Variants in SIPA1L3 observed in about 807,000 individuals in gnomAD.
SIPA1L3 encodes the protein signal-induced proliferation-associated 1-like protein 3.
Under a neutral mutation model 150.1 loss-of-function variants are expected in SIPA1L3, and 59 were observed. The ratio of observed to expected loss-of-function variants is 0.39; its 90% CI spans 0.32 to 0.49. SIPA1L3 has a LOEUF of 0.49. SIPA1L3 is among the 20% of genes least tolerant of loss of function. The probability of loss-of-function intolerance (pLI) is 0.86; values close to 1 mark genes in which losing one functional copy is unlikely to be tolerated. For missense variants in SIPA1L3, 2,211 were observed against 2,489.5 expected (o/e 0.89, Z 2.38); for synonymous variants, 1,070 against 1,077.6 (o/e 0.99, Z 0.14).
chr19:38,205,776 G>A lies in SIPA1L3; in HGVS notation c.5203-321G>A, dbSNP rs139697624. 3.8e-3 allele frequency among the ~76,000 whole-genome samples: 580 copies of A among 152,300 alleles called. 2 individuals carry two copies. Among genetic ancestry groups the A allele is most frequent in the Non-Finnish European group, 4.8e-3 (329 of 68,030 alleles). On this transcript the variant is annotated intron_variant, in intron 21 of 21. Transcript: ENST00000222345. ...GGACAGCGACAGTCCCCAAGTCCTC[G>A]GGTAGTGTGAAGGTGGGATGCGGTG...
At position 38,058,395 on chromosome 19, in the gene SIPA1L3, C is replaced by G. The variant is rs1431914897; in HGVS notation, c.-310-22861C>G. Among the ~76,000 whole-genome samples the G allele has an allele frequency of 3.3e-5, 5 of 152,276 alleles. No homozygotes were observed. In the East Asian group the frequency reaches 9.7e-4, roughly 29 times the overall value. On this transcript the variant is annotated intron_variant, in intron 2 of 21. Coordinates refer to ENST00000222345, the MANE Select transcript of SIPA1L3 (RefSeq NM_015073.3). Reference sequence around the variant, plus strand: ...CCCCATTCCCACACACCTCTCCCCACTGGGAAGGAAGACAGGTGCCCCCCT... The same window carrying G: ...CCCCATTCCCACACACCTCTCCCCAGTGGGAAGGAAGACAGGTGCCCCCCT...
At chr19:38,105,700 C>T (rs1970607244) in intron 6 of SIPA1L3, among the ~76,000 whole-genome samples, 1 of 152,212 alleles carries the variant, frequency 6.6e-6, no homozygotes, top group Non-Finnish European at 1.5e-5. Context: ...GTGTCAGCAT[C>T]TTTCACTCAA....
chr19:38,171,385 C>CTTTTTTTTTTTTTTTTTTTTTT (rs1055077464), intron 15 of SIPA1L3, among the ~76,000 whole-genome samples: 1 of 77,886 alleles, frequency 1.3e-5, no homozygotes, highest in Non-Finnish European at 2.4e-5. Flanking sequence ...CCTACCAAAA[C>CTTTTTTTTTTTTTTTTTTTTTT]TTTTTTTTTT....
chr19:37,995,085 C>A (rs1967603587), intron 1 of SIPA1L3, among the ~76,000 whole-genome samples: 1 of 152,156 alleles, frequency 6.6e-6, no homozygotes, highest in Non-Finnish European at 1.5e-5. Flanking sequence ...GGAAAGGTTT[C>A]CTCTTCACGT....
At chr19:37,990,259 G>T (rs1212987756) in intron 1 of SIPA1L3, among the ~76,000 whole-genome samples, 1 of 152,156 alleles carries the variant, frequency 6.6e-6, no homozygotes, top group African/African-American at 2.4e-5. Flanking sequence ...AGGGACAGAG[G>T]CATCTTTTTG....
intron 18 of SIPA1L3, 110 bp from the exon 19 acceptor site, chr19:38,198,279 G>T: frequency 2.4e-6 from 3 of 1,271,984 alleles, no homozygotes; most frequent in Non-Finnish European, 3.1e-6. Flanking sequence ...CCCTGCTGGA[G>T]GTTTTCCTGG....
chr19:38,196,356 G>GGAGGTCAAGGGCA, intron 18 of SIPA1L3, among the ~76,000 whole-genome samples: 1 of 79,838 alleles, frequency 1.3e-5, no homozygotes, highest in Non-Finnish European at 2.9e-5. Flanking sequence ...GGTCAAGGGT[G>GGAGGTCAAGGGCA]GAGCAAGGAG....
At chr19:37,968,495 G>T (rs1409478517) in intron 1 of SIPA1L3, among the ~76,000 whole-genome samples, 1 of 152,114 alleles carries the variant, frequency 6.6e-6, no homozygotes, top group Non-Finnish European at 1.5e-5. Flanking sequence ...TATACCCCAT[G>T]TATAAAGCCT....
At chr19:38,000,925 TATATATAAC>T (rs751637496) in intron 1 of SIPA1L3, among the ~76,000 whole-genome samples, 15 of 66,010 alleles carry the variant, frequency 2.3e-4, no homozygotes, top group Admixed American at 1.7e-3. Flanking sequence ...ATATATAACA[TATATATAAC>T]ATATATAACA....
At chr19:37,970,177 G>A (rs1363735847) in intron 1 of SIPA1L3, among the ~76,000 whole-genome samples, 1 of 152,194 alleles carries the variant, frequency 6.6e-6, no homozygotes, top group East Asian at 1.9e-4. Context: ...AACCCTGGCG[G>A]TGAAATTTCA....
At chr19:38,130,822 G>T in intron 10 of SIPA1L3, 50 bp downstream of exon 10, 1 of 1,553,578 alleles carries the variant, frequency 6.4e-7, no homozygotes, top group Non-Finnish European at 8.7e-7. Context: ...CTCCCAGATC[G>T]CTGGCATGAG....
In SIPA1L3 at chr19:38,193,617, C is replaced by A; in HGVS notation, c.4677C>A (p.Ser1559Arg). Reference sequence around the variant, plus strand: ...GGCGCCGGGAGCCCAGCTTCGCCAGCCCCGCTGGCCTAGAGCCAGGGCTGC... The same window carrying A: ...GGCGCCGGGAGCCCAGCTTCGCCAGACCCGCTGGCCTAGAGCCAGGGCTGC... Reference protein sequence around the residue: ...CSGRREPSFASPAGLEPGLPS... With the variant: ...CSGRREPSFARPAGLEPGLPS... Residue 1559 changes from serine (S) to arginine (R), a missense_variant, in exon 18 of 22, where the codon AGC becomes AGA. By Grantham distance (110) the Ser-to-Arg change is moderately radical. Coordinates refer to ENST00000222345, the MANE Select transcript of SIPA1L3 (RefSeq NM_015073.3). 1 of 1,569,344 alleles carries A rather than the reference C, an allele frequency of 6.4e-7. No homozygotes were observed.
chr19:38,153,702 G>A (rs1971879254), intron 13 of SIPA1L3, among the ~76,000 whole-genome samples: 1 of 150,386 alleles, frequency 6.6e-6, no homozygotes, highest in Non-Finnish European at 1.5e-5. Flanking sequence ...AGGCCAAGGC[G>A]GGCGGATAAT....
At position 37,949,435 on chromosome 19, in the gene SIPA1L3, G is replaced by A. The variant is rs705498; in HGVS notation, c.-379+42077G>A. On this transcript the variant is annotated intron_variant, in intron 1 of 21. Transcript: ENST00000222345. Reference sequence around the variant, plus strand: ...AATTTCAGCACTTTGGGAGGCTGAGGTGGGCGGCTAACCTGAGGTCAGGAG... The same window carrying A: ...AATTTCAGCACTTTGGGAGGCTGAGATGGGCGGCTAACCTGAGGTCAGGAG... Among the ~76,000 whole-genome samples the A allele has an allele frequency of 9.5e-3, 1,441 of 152,282 alleles. 25 individuals are homozygous for A. The highest frequency in any genetic ancestry group is 0.032 in the African/African-American group (1,345 of 41,560).
At chr19:38,111,460 C>T (rs1360280240) in intron 8 of SIPA1L3, among the ~76,000 whole-genome samples, 1 of 152,174 alleles carries the variant, frequency 6.6e-6, no homozygotes, top group Non-Finnish European at 1.5e-5. Context: ...CTGCAATGAA[C>T]AGTCTTATTT....
intron 1 of SIPA1L3, among the ~76,000 whole-genome samples, chr19:38,003,235 C>A (rs554377063): frequency 6.6e-6 from 1 of 152,194 alleles, no homozygotes; most frequent in Admixed American, 6.5e-5. Context: ...ATGAGCAAGG[C>A]AGGCACAGCT....
At chr19:38,123,770 A>T (rs530998963) in intron 9 of SIPA1L3, among the ~76,000 whole-genome samples, 1 of 151,904 alleles carries the variant, frequency 6.6e-6, no homozygotes, top group South Asian at 2.1e-4. Context: ...GTTCTCAATG[A>T]GCTGATGGGT....
intron 15 of SIPA1L3, among the ~76,000 whole-genome samples, chr19:38,170,832 A>T (rs890834819): frequency 3.3e-5 from 5 of 151,918 alleles, no homozygotes; most frequent in African/African-American, 1.2e-4. Flanking sequence ...TCTGCCAAGG[A>T]TGAGGGGGAC....
chr19:38,030,100 C>T (rs1361188657), intron 2 of SIPA1L3, among the ~76,000 whole-genome samples: 3 of 151,022 alleles, frequency 2.0e-5, no homozygotes, highest in African/African-American at 4.9e-5. Flanking sequence ...GTGATCCATC[C>T]GCCTCAGCCT....
Sources: allele counts gnomAD v4.1 joint callset (sites outside exome capture counted in the v4.1 genomes callset), GRCh38; gene constraint gnomAD v4.1.1; transcripts MANE v1.5; gene names NCBI Gene and HGNC (gene_info 2026-07-23, HGNC 2026-07-21).